Variants in CHAF1A observed in about 807,000 individuals in gnomAD.
The protein encoded by CHAF1A is chromatin assembly factor 1 subunit A, also known as CAF-1 subunit A.
A neutral mutation model predicts 93.2 loss-of-function variants in CHAF1A; 5 were observed. That is an observed-to-expected ratio of 0.05 (90% CI 0.03 to 0.11). The LOEUF (loss-of-function observed/expected upper bound fraction) is 0.11, where lower values mean the gene tolerates loss of function less well. CHAF1A is among the 10% of genes least tolerant of loss of function. CHAF1A has a pLI of 1.00. For synonymous variants in CHAF1A, 504 were observed against 510.3 expected, an observed-to-expected ratio of 0.99 and a Z score of 0.17; for missense variants, 1,102 against 1,259.9, an observed-to-expected ratio of 0.87 and a Z score of 1.90.
At chr19:4,429,686 T>A in intron 9 of CHAF1A, 22 bp from the exon 10 acceptor site, 2 of 1,613,812 alleles carry the variant, frequency 1.2e-6, no homozygotes, top group Non-Finnish European at 1.7e-6. Flanking sequence ...CAGTTGTGAG[T>A]CCCATGTGTT....
At chr19:4,403,717 C>A (rs937244640) in intron 1 of CHAF1A, among the ~76,000 whole-genome samples, 1 of 152,254 alleles carries the variant, frequency 6.6e-6, no homozygotes, top group Non-Finnish European at 1.5e-5. Flanking sequence ...CCCTGTGTCC[C>A]CTATGGGGCA....
chr19:4,430,414 A>G (rs1974159785), intron 10 of CHAF1A, 135 bp from the exon 11 acceptor site: 1 of 595,066 alleles, frequency 1.7e-6, no homozygotes, highest in African/African-American at 1.9e-5. Flanking sequence ...CTGACTTCAG[A>G]TGATCCGCCC....
intron 1 of CHAF1A, 127 bp from the exon 2 acceptor site, chr19:4,405,785 A>T (rs1415166753): frequency 2.6e-6 from 2 of 759,012 alleles, no homozygotes; most frequent in Non-Finnish European, 4.6e-6. Context: ...GACTGTGTCA[A>T]ATGGCCCCCG....
chr19:4,434,525 T>C (rs116585146), intron 13 of CHAF1A, among the ~76,000 whole-genome samples: 1,645 of 152,248 alleles, frequency 0.011, 25 homozygotes, highest in African/African-American at 0.035. Flanking sequence ...TCCAATCCCT[T>C]GGAAATCACC....
downstream of CHAF1A, chr19:4,447,889 A>G (rs1221952193): frequency 3.8e-6 from 2 of 523,334 alleles, no homozygotes; most frequent in Non-Finnish European, 7.0e-6. Flanking sequence ...AATTAACCAC[A>G]GCGGTGGGGA....
chr19:4,425,140 CATT>C (rs773133573), intron 7 of CHAF1A, among the ~76,000 whole-genome samples: 1 of 152,154 alleles, frequency 6.6e-6, no homozygotes, highest in East Asian at 1.9e-4. Context: ...CACAATGTGA[CATT>C]GTTGTACCTA....
intron 3 of CHAF1A, among the ~76,000 whole-genome samples, chr19:4,417,093 T>A (rs1403637677): frequency 6.6e-6 from 1 of 151,996 alleles, no homozygotes; most frequent in Non-Finnish European, 1.5e-5. Context: ...CACCCCAGAC[T>A]CCTGGGTAGC....
intron 7 of CHAF1A, among the ~76,000 whole-genome samples, chr19:4,425,334 C>A (rs1001044224): frequency 9.9e-5 from 15 of 152,122 alleles, no homozygotes; most frequent in Admixed American, 4.6e-4. Flanking sequence ...CTCACTCTAA[C>A]CTTTGTCTCC....
chr19:4,407,462 GAA>G (rs397772805), intron 2 of CHAF1A, among the ~76,000 whole-genome samples: 1 of 64,800 alleles, frequency 1.5e-5, no homozygotes, highest in African/African-American at 6.0e-5. Flanking sequence ...GAGGCCAGGA[GAA>G]AAAAAAAAAA....
chr19:4,446,271 G>A (rs539523761), downstream of CHAF1A: 40 of 1,569,788 alleles, frequency 2.5e-5, no homozygotes, highest in South Asian at 1.7e-4. Context: ...CACGGGCATC[G>A]TTGGTGCCCA....
chr19:4,416,410 T>C (rs1195563453), intron 3 of CHAF1A, among the ~76,000 whole-genome samples: 2 of 152,248 alleles, frequency 1.3e-5, no homozygotes, highest in Non-Finnish European at 2.9e-5. Flanking sequence ...CCAGACTCCC[T>C]GTTCGTCTTC....
chr19:4,415,420 T>G (rs2145087729), intron 3 of CHAF1A, among the ~76,000 whole-genome samples: 1 of 152,224 alleles, frequency 6.6e-6, no homozygotes. Context: ...GCAGCTGAGC[T>G]TCAGGCATGG....
chr19:4,448,401 G>A, downstream of CHAF1A: 1 of 1,580,648 alleles, frequency 6.3e-7, no homozygotes, highest in Non-Finnish European at 8.6e-7. Flanking sequence ...CGGCCACTGG[G>A]TCGGTGGAGA....
intron 10 of CHAF1A, 165 bp downstream of exon 10, chr19:4,429,953 C>A (rs1974151387): frequency 8.0e-6 from 5 of 627,556 alleles, no homozygotes; most frequent in Non-Finnish European, 1.4e-5. Context: ...ATCCAGACTT[C>A]CAGCTTCTCT....
chr19:4,420,341 C>T (rs1478561636), intron 4 of CHAF1A, among the ~76,000 whole-genome samples: 5 of 151,998 alleles, frequency 3.3e-5, no homozygotes, highest in Non-Finnish European at 7.4e-5. Flanking sequence ...CTCCCAGGTT[C>T]GAGCGATTCT....
At chr19:4,446,487 A>G, downstream of CHAF1A, 1 of 1,601,412 alleles carries the variant, frequency 6.2e-7, no homozygotes, top group Admixed American at 1.7e-5. Context: ...TGCTCCGCGG[A>G]CGTCAGGCCC....
At chr19:4,446,510 G>T, downstream of CHAF1A, 1 of 1,609,200 alleles carries the variant, frequency 6.2e-7, no homozygotes, top group Non-Finnish European at 8.5e-7. Flanking sequence ...CTGAGCCTCT[G>T]CTCCCGCTTG....
chr19:4,411,418 C>T (rs1341738634), intron 3 of CHAF1A, among the ~76,000 whole-genome samples: 1 of 151,946 alleles, frequency 6.6e-6, no homozygotes, highest in African/African-American at 2.4e-5. Flanking sequence ...TTAGTAGAGA[C>T]GGGGTTTTGC....
At chr19:4,406,861 G>A (rs1240382831) in intron 2 of CHAF1A, among the ~76,000 whole-genome samples, 3 of 152,068 alleles carry the variant, frequency 2.0e-5, no homozygotes, top group East Asian at 1.9e-4. Flanking sequence ...GGAGTTCAAG[G>A]CTGCGGTGAA....
Sources: gnomAD v4.1 joint callset for allele counts (sites outside exome capture counted in the v4.1 genomes callset) on GRCh38, gnomAD v4.1.1 for gene constraint, MANE v1.5 for transcripts, NCBI Gene and HGNC (gene_info 2026-07-23, HGNC 2026-07-21) for gene names.